The following TNPO1 variants were observed in gnomAD, a reference collection of about 807,000 sequenced individuals.
TNPO1 encodes the protein transportin-1.
A neutral mutation model predicts 119.5 loss-of-function variants in TNPO1; 8 were observed. The ratio of observed to expected loss-of-function variants is 0.07; its 90% CI spans 0.04 to 0.12. TNPO1 has a LOEUF of 0.12. Ranked by LOEUF, TNPO1 falls within the 10% of genes least tolerant of loss-of-function variation. The pLI is 1.00. For missense variants in TNPO1, 576 were observed against 1,089.8 expected, an observed-to-expected ratio of 0.53 and a Z score of 6.64; for synonymous variants, 362 against 363.0, an observed-to-expected ratio of 1.00 and a Z score of 0.03.
chr5:72,845,647 G>C lies in TNPO1; in HGVS notation c.16-2738G>C, dbSNP rs527936554. On this transcript the variant is annotated intron_variant, in intron 1 of 24. Transcript: ENST00000337273. Reference sequence around the variant, plus strand: ...GAGAGCCCTTTGTTACAGATAATTTGAGTAAGGTGTGGGGAAACACCTATT... The same window carrying C: ...GAGAGCCCTTTGTTACAGATAATTTCAGTAAGGTGTGGGGAAACACCTATT... 1.8e-4 allele frequency among the ~76,000 whole-genome samples: 28 copies of C among 152,304 alleles called. 1 individual carries two copies. The South Asian group carries it at 5.4e-3, about 29-fold the overall frequency.
chr5:72,891,136 C>T (rs1433856373), intron 14 of TNPO1, among the ~76,000 whole-genome samples: 2 of 151,872 alleles, frequency 1.3e-5, no homozygotes, highest in African/African-American at 4.8e-5. Flanking sequence ...AGCCACCATG[C>T]CCAGCCCCAG....
intron 4 of TNPO1, among the ~76,000 whole-genome samples, chr5:72,857,593 G>A (rs937013364): frequency 3.0e-4 from 46 of 152,042 alleles, no homozygotes; most frequent in Non-Finnish European, 6.0e-4. Context: ...TTTCCATTTC[G>A]GATCCAGGAG....
intron 3 of TNPO1, among the ~76,000 whole-genome samples, chr5:72,854,549 T>G (rs1271307807): frequency 6.6e-6 from 1 of 152,210 alleles, no homozygotes; most frequent in Non-Finnish European, 1.5e-5. Context: ...GGGGTAATAC[T>G]GAAGAATGAT....
In TNPO1 at chr5:72,888,312, G is replaced by A. The variant is rs776822870; in HGVS notation, c.1529+9G>A. The A allele has an allele frequency of 1.2e-5, 20 of 1,608,968 alleles. No homozygotes were observed. The highest frequency in any genetic ancestry group is 9.9e-5 in the South Asian group (9 of 90,940). On this transcript the variant is annotated intron_variant, in intron 13 of 24. Transcript: ENST00000337273. ...CAAGAAGCTGCCTGCAGGTGGGACAGATTCATAACACAGTGTTCTTTGTGG... is the reference window on the plus strand; with the variant it reads ...CAAGAAGCTGCCTGCAGGTGGGACAAATTCATAACACAGTGTTCTTTGTGG...
chr5:72,877,845 G>A (rs1017744344), intron 9 of TNPO1, among the ~76,000 whole-genome samples: 3 of 152,078 alleles, frequency 2.0e-5, no homozygotes, highest in Non-Finnish European at 4.4e-5. Flanking sequence ...ATCACTGGTA[G>A]TATTTTTTAT....
chr5:72,860,382 C>A (rs1746346945), intron 4 of TNPO1, among the ~76,000 whole-genome samples: 1 of 152,212 alleles, frequency 6.6e-6, no homozygotes, highest in Non-Finnish European at 1.5e-5. Flanking sequence ...TCCATAATCA[C>A]TAAGCATATT....
At chr5:72,829,180 A>G (rs1427785985) in intron 1 of TNPO1, among the ~76,000 whole-genome samples, 1 of 152,258 alleles carries the variant, frequency 6.6e-6, no homozygotes, top group Non-Finnish European at 1.5e-5. Context: ...GGAAAAGAGC[A>G]TTAAAGAGTG....
chr5:72,841,082 C>T (rs1580377276), intron 1 of TNPO1, among the ~76,000 whole-genome samples: 1 of 150,592 alleles, frequency 6.6e-6, no homozygotes, highest in African/African-American at 2.4e-5. Context: ...TTTTCTCTTC[C>T]TTCTTGATCC....
intron 10 of TNPO1, among the ~76,000 whole-genome samples, 167 bp from the exon 11 acceptor site, chr5:72,882,897 C>G (rs1186607332): frequency 2.0e-5 from 3 of 152,132 alleles, no homozygotes; most frequent in African/African-American, 7.2e-5. Context: ...ATTCGCCCCT[C>G]CATAAGGAAT....
chr5:72,875,408 A>G (rs1355215926), intron 7 of TNPO1, among the ~76,000 whole-genome samples: 6 of 152,214 alleles, frequency 3.9e-5, no homozygotes, highest in African/African-American at 1.4e-4. Context: ...GTACTCTATC[A>G]GAAAAGAATA....
intron 2 of TNPO1, among the ~76,000 whole-genome samples, chr5:72,850,589 A>G (rs1170806372): frequency 6.6e-6 from 1 of 152,120 alleles, no homozygotes. Flanking sequence ...AGAAAGATGT[A>G]ATAGAGCATT....
intron 6 of TNPO1, among the ~76,000 whole-genome samples, chr5:72,866,938 G>T (rs1264139197): frequency 6.6e-6 from 1 of 152,040 alleles, no homozygotes; most frequent in African/African-American, 2.4e-5. Flanking sequence ...GCTTTGGGAG[G>T]CTGAGGCAGG....
chr5:72,833,922 G>A (rs1744583025), intron 1 of TNPO1, among the ~76,000 whole-genome samples: 1 of 152,100 alleles, frequency 6.6e-6, no homozygotes, highest in Non-Finnish European at 1.5e-5. Context: ...AGTTCCTACT[G>A]ATTTTTTCCC....
At chr5:72,833,848 A>G (rs1203556990) in intron 1 of TNPO1, among the ~76,000 whole-genome samples, 4 of 152,222 alleles carry the variant, frequency 2.6e-5, no homozygotes, top group African/African-American at 7.2e-5. Flanking sequence ...GAACACTTAC[A>G]GAATATATGC....
intron 24 of TNPO1, 185 bp downstream of exon 24, chr5:72,905,630 C>T (rs1335749903): frequency 4.8e-5 from 15 of 314,908 alleles, no homozygotes; most frequent in Non-Finnish European, 8.1e-5. Flanking sequence ...TGTGGTGGCT[C>T]ATGTCTGTAA....
chr5:72,867,306 C>A (rs993798718), intron 6 of TNPO1, among the ~76,000 whole-genome samples: 1 of 152,102 alleles, frequency 6.6e-6, no homozygotes, highest in East Asian at 1.9e-4. Context: ...AATGTATCAT[C>A]CATCTTTAAT....
intron 13 of TNPO1, 78 bp from the exon 14 acceptor site, chr5:72,889,708 G>A: frequency 6.8e-7 from 1 of 1,463,486 alleles, no homozygotes; most frequent in Non-Finnish European, 9.1e-7. Context: ...GGGTAAAACA[G>A]AACATAAACA....
intron 1 of TNPO1, among the ~76,000 whole-genome samples, chr5:72,835,860 A>G (rs899046144): frequency 2.6e-5 from 4 of 152,354 alleles, no homozygotes; most frequent in African/African-American, 9.6e-5. Context: ...ATTCATCTTG[A>G]GGCAAATTGC....
intron 11 of TNPO1, among the ~76,000 whole-genome samples, chr5:72,884,021 A>T (rs1468853596): frequency 6.6e-6 from 1 of 151,962 alleles, no homozygotes; most frequent in Non-Finnish European, 1.5e-5. Context: ...AAGTGCTAGG[A>T]TTACAGGCGT....
Sources: gnomAD v4.1 joint callset for allele counts (sites outside exome capture counted in the v4.1 genomes callset) on GRCh38, gnomAD v4.1.1 for gene constraint, MANE v1.5 for transcripts, NCBI Gene and HGNC (gene_info 2026-07-23, HGNC 2026-07-21) for gene names.